Variants in CEP63 observed in about 807,000 individuals in gnomAD.
CEP63 encodes centrosomal protein 63.
A neutral mutation model predicts 89.1 loss-of-function variants in CEP63; 84 were observed. The ratio of observed to expected loss-of-function variants is 0.94; its 90% CI spans 0.79 to 1.13. The LOEUF (loss-of-function observed/expected upper bound fraction) is 1.13. Ranked by LOEUF, CEP63 falls within the 50% of genes most tolerant of loss-of-function variation. The pLI, the probability that CEP63 is intolerant of heterozygous loss-of-function variation, is 0.00. For missense variants in CEP63, 838 were observed against 813.3 expected (o/e 1.03, Z -0.37); for synonymous variants, 267 against 272.5 (o/e 0.98, Z 0.20).
At chr3:134,626,528 C>T in the CEP63 span, among the ~76,000 whole-genome samples, 2 of 152,164 alleles carry the variant, frequency 1.3e-5, no homozygotes, top group Admixed American at 1.3e-4. Flanking sequence ...GGACATGTGG[C>T]CTCCCTGCCT....
chr3:134,646,824 C>T, the CEP63 span, among the ~76,000 whole-genome samples: 1 of 152,094 alleles, frequency 6.6e-6, no homozygotes, highest in Non-Finnish European at 1.5e-5. Flanking sequence ...TGTGCAGTGT[C>T]CCTGATGTTT....
At chr3:134,627,587 C>T in the CEP63 span, among the ~76,000 whole-genome samples, 1 of 152,170 alleles carries the variant, frequency 6.6e-6, no homozygotes, top group South Asian at 2.1e-4. Flanking sequence ...CACCTGTGTC[C>T]ATGGCAGACA....
At chr3:134,669,186 C>T in the CEP63 span, among the ~76,000 whole-genome samples, 3 of 151,660 alleles carry the variant, frequency 2.0e-5, no homozygotes, top group African/African-American at 4.9e-5. Context: ...CCCCTACACG[C>T]GGCTTAATTT....
chr3:134,535,066 G>T (rs2109141094), intron 5 of CEP63, among the ~76,000 whole-genome samples: 1 of 151,912 alleles, frequency 6.6e-6, no homozygotes, highest in Non-Finnish European at 1.5e-5. Flanking sequence ...TTCTCTACTG[G>T]ATATTTTTTA....
intron 3 of CEP63, among the ~76,000 whole-genome samples, chr3:134,515,694 G>A (rs1205378399): frequency 2.0e-5 from 3 of 152,034 alleles, no homozygotes; most frequent in Admixed American, 6.6e-5. Flanking sequence ...GTCCTTATGC[G>A]CTGCCAACAT....
At chr3:134,775,533 G>A in the CEP63 span, among the ~76,000 whole-genome samples, 2 of 152,174 alleles carry the variant, frequency 1.3e-5, no homozygotes, top group Non-Finnish European at 2.9e-5. Context: ...ACTGTGAAGT[G>A]TTGGCGGCCA....
the CEP63 span, among the ~76,000 whole-genome samples, chr3:134,640,638 C>T: frequency 2.1e-4 from 32 of 152,168 alleles, no homozygotes; most frequent in Non-Finnish European, 3.5e-4. Flanking sequence ...CATGGAGTAA[C>T]GATTCCCTGG....
the CEP63 span, among the ~76,000 whole-genome samples, chr3:134,685,821 G>A: frequency 6.6e-6 from 1 of 152,210 alleles, no homozygotes. Context: ...ATGAGAACAG[G>A]AGCTCGTCAG....
intron 1 of CEP63, among the ~76,000 whole-genome samples, chr3:134,492,320 AAAG>A (rs2107939117): frequency 6.6e-6 from 1 of 152,248 alleles, no homozygotes; most frequent in African/African-American, 2.4e-5. Context: ...TGGCACATGC[AAAG>A]AAGAAATCAA....
At chr3:134,552,213 G>GT in intron 12 of CEP63, 5 of 372,740 alleles carry the variant, frequency 1.3e-5, no homozygotes, top group South Asian at 6.3e-5. Context: ...GTTTTTGTTT[G>GT]TTTTTTTGAG....
chr3:134,769,707 A>G, the CEP63 span, among the ~76,000 whole-genome samples: 1 of 152,228 alleles, frequency 6.6e-6, no homozygotes, highest in Admixed American at 6.5e-5. Flanking sequence ...AAGAGGCCCC[A>G]GGAAGCTGTA....
chr3:134,555,378 T>C (rs1955918174), intron 12 of CEP63, among the ~76,000 whole-genome samples: 1 of 151,820 alleles, frequency 6.6e-6, no homozygotes, highest in African/African-American at 2.4e-5. Flanking sequence ...AAAACCCCAT[T>C]GTCTCAGCCC....
At chr3:134,611,252 C>T in the CEP63 span, among the ~76,000 whole-genome samples, 1 of 152,276 alleles carries the variant, frequency 6.6e-6, no homozygotes, top group East Asian at 1.9e-4. Context: ...TTTCTGGGAA[C>T]CTGGATGGGA....
Position 134,519,564 on chromosome 3 carries a change from A to T in CEP63, c.222+12278A>T, listed in dbSNP as rs371610693. 7.4e-4 allele frequency among the ~76,000 whole-genome samples: 112 copies of T among 152,366 alleles called. 6 individuals are homozygous for T. The South Asian group carries it at 0.022, about 30-fold the overall frequency. The stretch of plus-strand genomic sequence containing the variant: ...TTTTATATAAAATATTCCAGAGAAC[A>T]GAAGAAAAGATAAGATTTTCCTAAC... On this transcript the variant is annotated intron_variant, in intron 3 of 14. Transcript: ENST00000675561.
chr3:134,732,612 A>G, the CEP63 span, among the ~76,000 whole-genome samples: 2 of 152,176 alleles, frequency 1.3e-5, no homozygotes, highest in Non-Finnish European at 2.9e-5. Context: ...AAATGAAATA[A>G]TGAAATAAGT....
chr3:134,577,854 T>C (rs891759351), downstream of CEP63, among the ~76,000 whole-genome samples: 1 of 152,100 alleles, frequency 6.6e-6, no homozygotes, highest in African/African-American at 2.4e-5. Flanking sequence ...CTCCCACATA[T>C]GAGTGAGAAC....
intron 4 of CEP63, 135 bp downstream of exon 4, chr3:134,532,075 T>C (rs549135531): frequency 1.6e-6 from 1 of 624,962 alleles, no homozygotes; most frequent in Admixed American, 2.8e-5. Flanking sequence ...GGAGTGGGAA[T>C]CCATTTCTCT....
At chr3:134,760,994 C>T in the CEP63 span, among the ~76,000 whole-genome samples, 1 of 149,810 alleles carries the variant, frequency 6.7e-6, no homozygotes, top group South Asian at 2.1e-4. Flanking sequence ...ATGACTAAAA[C>T]ATGTTGCTCA....
At chr3:134,713,150 C>T in the CEP63 span, among the ~76,000 whole-genome samples, 1 of 152,184 alleles carries the variant, frequency 6.6e-6, no homozygotes, top group African/African-American at 2.4e-5. Context: ...TCTCCTACCC[C>T]AAGGTCCTGG....
Sources: gnomAD v4.1 joint callset for allele counts (sites outside exome capture counted in the v4.1 genomes callset) on GRCh38, gnomAD v4.1.1 for gene constraint, MANE v1.5 for transcripts, NCBI Gene and HGNC (gene_info 2026-07-23, HGNC 2026-07-21) for gene names.